The following NDST4 variants were observed in gnomAD, a reference collection of about 807,000 sequenced individuals.
NDST4 encodes N-deacetylase and N-sulfotransferase 4.
NDST4 carries 63 observed loss-of-function variants against 100.8 expected under a neutral mutation model. The ratio of observed to expected loss-of-function variants is 0.62; its 90% CI spans 0.51 to 0.77. NDST4 has a LOEUF of 0.77. Among genes scored for constraint, NDST4 ranks in the 30% least tolerant of loss-of-function variants. The pLI is 0.00. For synonymous variants in NDST4, 377 were observed against 361.8 expected (o/e 1.04, Z -0.48); for missense variants, 943 against 1,018.4 (o/e 0.93, Z 1.01).
intron 1 of NDST4, among the ~76,000 whole-genome samples, chr4:115,098,733 C>T (rs147340311): frequency 1.6e-3 from 237 of 152,252 alleles, no homozygotes; most frequent in African/African-American, 5.4e-3. Flanking sequence ...CCCCCTCTGT[C>T]ACCCAGGCTG....
intron 6 of NDST4, among the ~76,000 whole-genome samples, chr4:114,874,870 T>C: frequency 6.6e-6 from 1 of 152,320 alleles, no homozygotes; most frequent in East Asian, 1.9e-4. Context: ...TTATTTTGAT[T>C]ATTATTTTCT....
intron 1 of NDST4, among the ~76,000 whole-genome samples, chr4:115,089,772 T>C (rs1333639192): frequency 6.6e-6 from 1 of 151,870 alleles, no homozygotes; most frequent in Non-Finnish European, 1.5e-5. Context: ...AGTTTTTTAT[T>C]GGAACAATGA....
At chr4:115,036,892 T>A (rs765640885) in intron 2 of NDST4, among the ~76,000 whole-genome samples, 3 of 152,054 alleles carry the variant, frequency 2.0e-5, no homozygotes, top group African/African-American at 4.8e-5. Flanking sequence ...ATACTGATAA[T>A]ATATTTATCT....
chr4:115,098,126 C>T (rs925988647), intron 1 of NDST4, among the ~76,000 whole-genome samples: 10 of 152,074 alleles, frequency 6.6e-5, no homozygotes, highest in Non-Finnish European at 1.3e-4. Context: ...GTCTATCACT[C>T]CAATTAAAAT....
chr4:114,918,560 TA>T (rs10593709), intron 6 of NDST4, among the ~76,000 whole-genome samples: 115,045 of 149,800 alleles, frequency 0.77, 44,508 homozygotes, highest in East Asian at 0.94. Context: ...TAAAAATAAA[TA>T]AAAAAAAAAT....
At chr4:114,934,083 T>A (rs1560819445) in intron 6 of NDST4, among the ~76,000 whole-genome samples, 1 of 152,180 alleles carries the variant, frequency 6.6e-6, no homozygotes, top group Non-Finnish European at 1.5e-5. Context: ...AAACATGGAA[T>A]CAATCTATGT....
intron 1 of NDST4, among the ~76,000 whole-genome samples, chr4:115,081,829 A>G (rs1204351165): frequency 6.6e-6 from 1 of 152,196 alleles, no homozygotes; most frequent in Non-Finnish European, 1.5e-5. Flanking sequence ...TTATATGGTG[A>G]TGTTGACCTT....
intron 6 of NDST4, among the ~76,000 whole-genome samples, chr4:114,881,002 A>G (rs1724355125): frequency 6.6e-6 from 1 of 152,134 alleles, no homozygotes; most frequent in Admixed American, 6.6e-5. Flanking sequence ...CTAGAAACTA[A>G]AAGTTATACA....
chr4:114,870,975 C>CA (rs1560788072), intron 6 of NDST4, 25 bp from the exon 7 acceptor site: 1 of 1,571,480 alleles, frequency 6.4e-7, no homozygotes, highest in Non-Finnish European at 8.7e-7. Context: ...AAAATGACCA[C>CA]AAAAATATCA....
chr4:115,102,586 G>A (rs1729752473), intron 1 of NDST4, among the ~76,000 whole-genome samples: 1 of 151,406 alleles, frequency 6.6e-6, no homozygotes, highest in African/African-American at 2.4e-5. Context: ...TCTGAATTTA[G>A]GTAAGCAGTC....
chr4:114,929,040 CT>C (rs879781534), intron 6 of NDST4, among the ~76,000 whole-genome samples: 2,785 of 143,970 alleles, frequency 0.019, 42 homozygotes, highest in Middle Eastern at 0.041. Flanking sequence ...GTCTGTCTGT[CT>C]GTCCGTCCGT....
At chr4:114,878,957 A>G (rs1165134531) in intron 6 of NDST4, among the ~76,000 whole-genome samples, 1 of 152,104 alleles carries the variant, frequency 6.6e-6, no homozygotes, top group Non-Finnish European at 1.5e-5. Flanking sequence ...GGATACGTGT[A>G]TACCAGAGTG....
intron 6 of NDST4, among the ~76,000 whole-genome samples, chr4:114,934,510 C>T (rs1189178827): frequency 1.3e-5 from 2 of 150,062 alleles, no homozygotes; most frequent in African/African-American, 4.9e-5. Context: ...GCGGAGATCG[C>T]GCCACTGCAC....
Position 115,062,066 on chromosome 4 carries a change from G to C in NDST4, c.978+13993C>G, listed in dbSNP as rs1728836161. On this transcript the variant is annotated intron_variant, in intron 2 of 13. Transcript: ENST00000264363. ...GGCAAAATAGTGAGGATTAAGAAAA[G>C]GGAAAATGAAGTGAGCCAATTTCTG... Among the ~76,000 whole-genome samples, 7 of 151,964 alleles carry C rather than the reference G, an allele frequency of 4.6e-5. 1 individual carries two copies. The highest frequency in any genetic ancestry group is 4.6e-4 in the Admixed American group (7 of 15,238).
At chr4:114,997,293 A>G (rs575586822) in intron 2 of NDST4, among the ~76,000 whole-genome samples, 2 of 152,238 alleles carry the variant, frequency 1.3e-5, no homozygotes, top group South Asian at 2.1e-4. Context: ...TTATTGTTTC[A>G]TATTATTTTC....
At chr4:115,083,497 A>G (rs189435807) in intron 1 of NDST4, among the ~76,000 whole-genome samples, 95 of 152,272 alleles carry the variant, frequency 6.2e-4, no homozygotes, top group Non-Finnish European at 8.5e-4. Context: ...AAATTATTAT[A>G]TAAACATTTA....
rs551594230 is a variant in NDST4, at chr4:114,873,304, A to T, written c.1537-2354T>A. Among the ~76,000 whole-genome samples the T allele has an allele frequency of 1.2e-4, 18 of 151,866 alleles. No homozygotes were observed. The East Asian group carries it at 3.1e-3, about 26-fold the overall frequency. ...TAGAAATTTAAGTTAAACCCCTTAAATTTAAGTTAAACCACTTAATCTCTT... is the reference window on the plus strand; with the variant it reads ...TAGAAATTTAAGTTAAACCCCTTAATTTTAAGTTAAACCACTTAATCTCTT... On this transcript the variant is annotated intron_variant, in intron 6 of 13. Coordinates refer to ENST00000264363, the MANE Select transcript of NDST4 (RefSeq NM_022569.3).
intron 8 of NDST4, among the ~76,000 whole-genome samples, chr4:114,850,681 G>A (rs1340627538): frequency 6.6e-6 from 1 of 151,994 alleles, no homozygotes; most frequent in South Asian, 2.1e-4. Flanking sequence ...TTTAATGTAC[G>A]GGGGTAAGCC....
chr4:115,084,821 C>G (rs989850618), intron 1 of NDST4, among the ~76,000 whole-genome samples: 3 of 152,094 alleles, frequency 2.0e-5, no homozygotes, highest in African/African-American at 7.2e-5. Context: ...AGGGGCAGAG[C>G]CTTCATGGAG....
Sources: allele counts gnomAD v4.1 joint callset (sites outside exome capture counted in the v4.1 genomes callset), GRCh38; gene constraint gnomAD v4.1.1; transcripts MANE v1.5; gene names NCBI Gene and HGNC (gene_info 2026-07-23, HGNC 2026-07-21).